INTS8: variants seen among roughly 807,000 people sequenced by gnomAD.
INTS8 encodes the protein protein kaonashi-1.
INTS8 carries 47 observed loss-of-function variants against 138.9 expected under a neutral mutation model. That is an observed-to-expected ratio of 0.34 (90% CI 0.27 to 0.43). The LOEUF is 0.43. INTS8 is among the 20% of genes least tolerant of loss of function. The probability of loss-of-function intolerance (pLI) is 1.00; values close to 1 mark genes in which losing one functional copy is unlikely to be tolerated. For missense variants in INTS8, 996 were observed against 1,173.0 expected, an observed-to-expected ratio of 0.85 and a Z score of 2.20; for synonymous variants, 392 against 400.9, an observed-to-expected ratio of 0.98 and a Z score of 0.27.
rs1384324045 is a variant in INTS8 at position 94,838,493 on chromosome 8, G to C, written c.892G>C (p.Asp298His). 6.2e-7 allele frequency: 1 copy of C among 1,613,478 alleles called. No homozygotes were observed. Among genetic ancestry groups the C allele is most frequent in the Non-Finnish European group, 8.5e-7 (1 of 1,179,416 alleles). The change falls in exon 8 of 27, where the codon GAT (aspartate) becomes CAT (histidine). Residue 298 changes from aspartate (D) to histidine (H), a missense_variant. By Grantham distance (81) the Asp-to-His change is moderately conservative. Coordinates refer to ENST00000523731, the MANE Select transcript of INTS8 (RefSeq NM_017864.4). ...IGSLSLHCTI[D>H]EKRLAGYCQA... ...TTCATTATCTCTTCATTGTACCATA[G>C]ATGAGAAGCGGTTAGCTGGCTATTG...
At position 94,866,175 on chromosome 8, in the gene INTS8, T is replaced by G; in HGVS notation, c.2279T>G (p.Phe760Cys). 1 of 1,314,268 alleles carries G rather than the reference T, an allele frequency of 7.6e-7. No homozygotes were observed. The allele number at this position is 1,314,268 out of a possible 1,614,324, so 81.4% of individuals were successfully genotyped here. ...TTTTGTAGGAGTGAACTGCTTTCTT[T>G]TATCAAAAAATTACGAGTAAGTTTT... ...GIMYRSELLS[F>C]IKKLREPLVL... The change falls in exon 18 of 27, where the codon TTT becomes TGT. Residue 760 changes from phenylalanine to cysteine, a missense_variant. Phe to Cys is a radical substitution (Grantham distance 205). Coordinates refer to ENST00000523731, the MANE Select transcript of INTS8 (RefSeq NM_017864.4).
At position 94,823,550 on chromosome 8, in the gene INTS8, A is replaced by G; in HGVS notation, c.119A>G (p.Lys40Arg). 6.3e-7 allele frequency: 1 copy of G among 1,576,542 alleles called. No individual in the cohort carries two copies. Among genetic ancestry groups the G allele is most frequent in the East Asian group, 2.3e-5 (1 of 42,988 alleles). ...EESLLEKHLR[K>R]PCPDPAPVQL... ...TCACTGTTGGAGAAACATCTGCGCA[A>G]GCCCTGCCCGGGTGAGCGCGGCGCC... The change falls in exon 1 of 27, where the codon AAG (lysine) becomes AGG (arginine). Residue 40 changes from lysine (K) to arginine (R), a missense_variant. Coordinates refer to ENST00000523731, the MANE Select transcript of INTS8 (RefSeq NM_017864.4).
At position 94,871,893 on chromosome 8, in the gene INTS8, T is replaced by C. The variant is rs1255705182; in HGVS notation, c.2424T>C (p.Ser808=). The C allele has an allele frequency of 5.7e-6, 9 of 1,570,140 alleles. No individual in the cohort carries two copies. The highest frequency in any genetic ancestry group is 8.8e-7 in the Non-Finnish European group (1 of 1,141,448). ...GTGTCTTTCCTTTTAGCCTCCAGTC[T>C]GTGGACTTTGAAGCTGTGGCAATCA... ...IWPSSIPNLQ[S]VDFEAVAITV... is the part of the protein sequence containing the mutation. The change falls in exon 21 of 27, where the codon TCT becomes TCC. Residue 808 remains serine, a synonymous_variant. Transcript: ENST00000523731.
At chr8:94,865,825 G>A (rs1816159170) in intron 17 of INTS8, 135 bp downstream of exon 17, 6 of 800,760 alleles carry the variant, frequency 7.5e-6, no homozygotes, top group African/African-American at 3.5e-5. Flanking sequence ...ACAATCTTAC[G>A]AGTTCTGTAG....
In INTS8 at chr8:94,880,255, TTTA is replaced by T. The variant is rs1816755368; in HGVS notation, c.*24_*26del. The T allele has an allele frequency of 2.2e-6, 3 of 1,340,980 alleles. No individual in the cohort carries two copies. In the South Asian group the frequency reaches 3.7e-5, roughly 17 times the overall value. The allele number at this position is 1,340,980 out of a possible 1,614,324, so 83.1% of individuals were successfully genotyped here. On this transcript the variant is annotated 3_prime_UTR_variant, in exon 27 of 27. Coordinates refer to ENST00000523731, the MANE Select transcript of INTS8 (RefSeq NM_017864.4). ...TTTAAGCAGTTAAATTTTTTTAACTTTTATTTTTTAAACAATGGGCTAAAAATA... is the reference window on the plus strand; with the variant it reads ...TTTAAGCAGTTAAATTTTTTTAACTTTTTTTTAAACAATGGGCTAAAAATA...
chr8:94,849,505 T>C lies in INTS8; in HGVS notation c.1304T>C (p.Leu435Ser). Residue 435 changes from leucine to serine, a missense_variant, in exon 11 of 27, where the codon TTG becomes TCG. Coordinates refer to ENST00000523731, the MANE Select transcript of INTS8 (RefSeq NM_017864.4). The part of the protein sequence containing the change: ...SVNLEKASES[L>S]KGNMAAFLKN... Reference sequence around the variant, plus strand: ...AATTTAGAAAAAGCTTCAGAGTCTTTGAAAGGAAACATGGCTGCTTTTCTA... The same window carrying C: ...AATTTAGAAAAAGCTTCAGAGTCTTCGAAAGGAAACATGGCTGCTTTTCTA... 6.4e-7 allele frequency: 1 copy of C among 1,571,908 alleles called. No individual in the cohort carries two copies. Among genetic ancestry groups the C allele is most frequent in the South Asian group, 1.2e-5 (1 of 84,500 alleles).
In INTS8 at chr8:94,881,421, G is replaced by T; in HGVS notation, c.*1187G>T. On this transcript the variant is annotated 3_prime_UTR_variant, in exon 27 of 27. Transcript: ENST00000523731. ...GGAATGAAGACATCTTTGTAAACAA[G>T]TCCTGCTGTTTCTTTAACAGCTAAC... is the stretch of plus-strand genomic sequence containing the variant. 1 of 546,612 alleles carries T rather than the reference G, an allele frequency of 1.8e-6. No homozygotes were observed. The highest frequency in any genetic ancestry group is 3.2e-6 in the Non-Finnish European group (1 of 313,288). The allele number at this position is 546,612 out of a possible 1,614,324, so 33.9% of individuals were successfully genotyped here.
At position 94,847,000 on chromosome 8, in the gene INTS8, AT is replaced by A. The variant is rs536395880; in HGVS notation, c.1261-2454del. On this transcript the variant is annotated intron_variant, in intron 10 of 26. Transcript: ENST00000523731. ...GAACTTGGTTTGCCAATATATGAAG[AT>A]TTTTTTTCTACATTCATGTATGAGA... Among the ~76,000 whole-genome samples the A allele has an allele frequency of 9.7e-4, 147 of 151,992 alleles. 1 individual carries two copies. The highest frequency in any genetic ancestry group is 3.5e-3 in the African/African-American group (144 of 41,452).
intron 10 of INTS8, among the ~76,000 whole-genome samples, chr8:94,843,328 G>C (rs1815206883): frequency 6.6e-6 from 1 of 152,118 alleles, no homozygotes; most frequent in Non-Finnish European, 1.5e-5. Flanking sequence ...AGCACTTTGG[G>C]AGGCCAAGGC....
rs1019254121 is a variant in INTS8 at position 94,831,349 on chromosome 8, G to T, written c.571-643G>T. Among the ~76,000 whole-genome samples, 11 of 152,106 alleles carry T rather than the reference G, an allele frequency of 7.2e-5. No homozygotes were observed. The East Asian group carries it at 2.1e-3, about 29-fold the overall frequency. The stretch of plus-strand genomic sequence containing the variant: ...GGCAGGTCTCGAACCCCTGGCCACA[G>T]ATGATCCTCCTGCCTCGCTTGGCCT... On this transcript the variant is annotated intron_variant, in intron 5 of 26. Coordinates refer to ENST00000523731, the MANE Select transcript of INTS8 (RefSeq NM_017864.4).
chr8:94,833,330 TAGGAGTTAATGAAGTA>T (rs1434606053), intron 6 of INTS8, among the ~76,000 whole-genome samples: 7 of 151,772 alleles, frequency 4.6e-5, no homozygotes, highest in African/African-American at 1.7e-4. Context: ...GCAGCAGGAG[TAGGAGTTAATGAAGTA>T]TTGATACTTG....
chr8:94,876,601 T>G (rs1816573453), intron 26 of INTS8, 112 bp downstream of exon 26: 3 of 598,936 alleles, frequency 5.0e-6, no homozygotes, highest in Admixed American at 6.6e-5. Context: ...TGCCAGAATT[T>G]TATTATCAGT....
intron 26 of INTS8, 138 bp from the exon 27 acceptor site, chr8:94,879,980 C>A: frequency 1.7e-6 from 1 of 594,258 alleles, no homozygotes; most frequent in South Asian, 2.4e-5. Context: ...TTCCAAGACT[C>A]CTGGGTTTTA....
chr8:94,867,460 TGTG>T lies in INTS8; in HGVS notation c.2414+124_2414+126del, dbSNP rs1563668070. 1.3e-5 allele frequency: 9 copies of T among 692,002 alleles called. No individual in the cohort carries two copies. The African/African-American group carries it at 1.6e-4, about 13-fold the overall frequency. The allele number at this position is 692,002 out of a possible 1,614,324, so 42.9% of individuals were successfully genotyped here. A position where few individuals can be genotyped will look rare whatever the true frequency, so the allele number is the denominator to read the frequency against. On this transcript the variant is annotated intron_variant, in intron 20 of 26. Coordinates refer to ENST00000523731, the MANE Select transcript of INTS8 (RefSeq NM_017864.4). ...CAGAAATCTAAGATTCTACAGTCTT[TGTG>T]TTTCTCTATTATGATAATGATAATT...
chr8:94,831,988 G>A lies in INTS8; in HGVS notation c.571-4G>A, dbSNP rs753239742. On this transcript the variant is annotated splice_polypyrimidine_tract_variant and splice_region_variant and intron_variant, in intron 5 of 26. Transcript: ENST00000523731. ...TATTTTTATTTGTTTATTGATTTCT[G>A]TAGCTCAAAGAACAAGCTGCTGATT... The A allele has an allele frequency of 7.0e-6, 11 of 1,580,788 alleles. No individual in the cohort carries two copies. The African/African-American group carries it at 1.5e-4, about 22-fold the overall frequency.
At chr8:94,857,509 T>A (rs891429118) in intron 15 of INTS8, among the ~76,000 whole-genome samples, 1 of 152,204 alleles carries the variant, frequency 6.6e-6, no homozygotes, top group Admixed American at 6.5e-5. Flanking sequence ...ACAAACTGGG[T>A]GACTTAAAAC....
At chr8:94,849,428 C>T in intron 10 of INTS8, 34 bp from the exon 11 acceptor site, 1 of 985,092 alleles carries the variant, frequency 1.0e-6, no homozygotes, top group Non-Finnish European at 1.6e-6. Context: ...TTTATAAGTA[C>T]CCATATTCAA....
chr8:94,881,220 TAAC>T lies in INTS8; in HGVS notation c.*990_*992del, dbSNP rs915685837. 5.2e-5 allele frequency: 19 copies of T among 367,078 alleles called. No homozygotes were observed. The highest frequency in any genetic ancestry group is 8.7e-5 in the Non-Finnish European group (18 of 207,186). The allele number at this position is 367,078 out of a possible 1,614,324, so 22.7% of individuals were successfully genotyped here. A position where few individuals can be genotyped will look rare whatever the true frequency, so the allele number is the denominator to read the frequency against. ...CAAGAGTGTAGGAATTTTGAGAATCTAACAACTAGATTCAAAGTACTGTATCAC... is the reference window on the plus strand; with the variant it reads ...CAAGAGTGTAGGAATTTTGAGAATCTAACTAGATTCAAAGTACTGTATCAC... On this transcript the variant is annotated 3_prime_UTR_variant, in exon 27 of 27. Coordinates refer to ENST00000523731, the MANE Select transcript of INTS8 (RefSeq NM_017864.4).
chr8:94,827,608 C>T, intron 3 of INTS8, 114 bp from the exon 4 acceptor site: 1 of 1,052,634 alleles, frequency 9.5e-7, no homozygotes. Flanking sequence ...GCAGGATTTA[C>T]CATGTGTCAA....
Sources: allele counts gnomAD v4.1 joint callset (sites outside exome capture counted in the v4.1 genomes callset), GRCh38; gene constraint gnomAD v4.1.1; transcripts MANE v1.5; gene names NCBI Gene and HGNC (gene_info 2026-07-23, HGNC 2026-07-21).